Variants in BMP2K observed in about 807,000 individuals in gnomAD.
BMP2K encodes the protein BMP2 inducible kinase.
In BMP2K, 74 loss-of-function variants were observed where a neutral mutation model predicts 116.0. The observed-to-expected ratio is 0.64, with a 90% confidence interval of 0.53 to 0.77. The LOEUF (loss-of-function observed/expected upper bound fraction) is 0.77, where lower values mean the gene tolerates loss of function less well. BMP2K is among the 30% of genes least tolerant of loss of function. The pLI is 0.00. For missense variants in BMP2K, 1,365 were observed against 1,403.6 expected, an observed-to-expected ratio of 0.97 and a Z score of 0.44; for synonymous variants, 486 against 502.5, an observed-to-expected ratio of 0.97 and a Z score of 0.44.
chr4:78,823,552 ATATATAGT>A (rs998978755), intron 1 of BMP2K, among the ~76,000 whole-genome samples: 61 of 147,736 alleles, frequency 4.1e-4, no homozygotes, highest in African/African-American at 1.3e-3. Flanking sequence ...ATATATAGTT[ATATATAGT>A]TATATAGTTA....
At chr4:78,812,792 G>C (rs1208079686) in intron 1 of BMP2K, among the ~76,000 whole-genome samples, 1 of 152,168 alleles carries the variant, frequency 6.6e-6, no homozygotes, top group Non-Finnish European at 1.5e-5. Context: ...CAGCACTTTG[G>C]GAGGCCAAGG....
chr4:78,867,947 C>G (rs1294540599), intron 10 of BMP2K, among the ~76,000 whole-genome samples: 1 of 152,168 alleles, frequency 6.6e-6, no homozygotes, highest in African/African-American at 2.4e-5. Context: ...GTAATCCCAG[C>G]TACTTGGGAG....
At chr4:78,856,835 T>A (rs2110040406) in intron 7 of BMP2K, among the ~76,000 whole-genome samples, 1 of 152,304 alleles carries the variant, frequency 6.6e-6, no homozygotes, top group South Asian at 2.1e-4. Flanking sequence ...GACAGGTTAC[T>A]TACAAAATGT....
intron 1 of BMP2K, among the ~76,000 whole-genome samples, chr4:78,798,340 T>A (rs7662194): frequency 0.064 from 9,806 of 152,216 alleles, 437 homozygotes; most frequent in East Asian, 0.22. Context: ...ACCTGCTGGA[T>A]GCCTGTGAGA....
At chr4:78,837,180 T>C (rs1486936285) in intron 3 of BMP2K, among the ~76,000 whole-genome samples, 2 of 152,004 alleles carry the variant, frequency 1.3e-5, no homozygotes, top group East Asian at 1.9e-4. Flanking sequence ...TTATTTTTAA[T>C]TTCCAAGGAC....
chr4:78,883,255 C>T (rs1174258633), intron 14 of BMP2K, among the ~76,000 whole-genome samples: 1 of 151,986 alleles, frequency 6.6e-6, no homozygotes, highest in African/African-American at 2.4e-5. Context: ...TAATTAAAAA[C>T]ATTTTAGGGT....
intron 1 of BMP2K, among the ~76,000 whole-genome samples, chr4:78,792,181 A>G (rs988003926): frequency 6.6e-6 from 1 of 152,248 alleles, no homozygotes; most frequent in Non-Finnish European, 1.5e-5. Flanking sequence ...AACCTCTGTG[A>G]AGAAAATCAC....
At chr4:78,851,229 CA>C (rs1357744814) in intron 7 of BMP2K, among the ~76,000 whole-genome samples, 173 bp downstream of exon 7, 2 of 151,928 alleles carry the variant, frequency 1.3e-5, no homozygotes, top group Non-Finnish European at 2.9e-5. Flanking sequence ...AGAATGAAAG[CA>C]ACCTAATTAT....
At chr4:78,835,627 CAAAAA>C (rs561192085) in intron 3 of BMP2K, among the ~76,000 whole-genome samples, 4 of 69,510 alleles carry the variant, frequency 5.8e-5, no homozygotes, top group East Asian at 7.5e-4. Flanking sequence ...GACTCCGTGT[CAAAAA>C]AAAAAAAAAA....
rs755015481 is a variant in BMP2K at position 78,911,632 on chromosome 4, T to A, written c.3085T>A (p.Ser1029Thr). The part of the protein sequence containing the change: ...RRHKKVGRRD[S>T]QSSNEFLTIS... ...GCACAAAAAAGTGGGCCGCCGAGAC[T>A]CTCAAAGTAGCAATGAATTTTTAAC... The change falls in exon 16 of 16, where the codon TCT becomes ACT. Residue 1029 changes from serine to threonine, a missense_variant. Physicochemically the swap from Ser to Thr is moderately conservative, Grantham distance 58 (BLOSUM62 1). Coordinates refer to ENST00000502613, the MANE Select transcript of BMP2K (RefSeq NM_198892.2). 1.4e-5 allele frequency: 22 copies of A among 1,613,716 alleles called. No homozygotes were observed. The highest frequency in any genetic ancestry group is 1.7e-5 in the Non-Finnish European group (20 of 1,179,856).
chr4:78,795,642 G>A (rs1048794101), intron 1 of BMP2K, among the ~76,000 whole-genome samples: 4 of 152,016 alleles, frequency 2.6e-5, no homozygotes, highest in African/African-American at 4.8e-5. Context: ...CTACTCATCT[G>A]ACAAAGGGCT....
intron 7 of BMP2K, among the ~76,000 whole-genome samples, chr4:78,858,058 T>C (rs543453346): frequency 6.6e-6 from 1 of 152,114 alleles, no homozygotes; most frequent in South Asian, 2.1e-4. Flanking sequence ...TCAAGTTCTT[T>C]ATAGGACTAA....
chr4:78,860,080 G>A (rs2110044567), intron 8 of BMP2K: 1 of 512,504 alleles, frequency 2.0e-6, no homozygotes, highest in East Asian at 5.5e-5. Flanking sequence ...TGTTAACTGA[G>A]TAAGTTTGGG....
chr4:78,870,807 C>G lies in BMP2K; in HGVS notation c.1256C>G (p.Pro419Arg). 5 of 1,613,858 alleles carry G rather than the reference C, an allele frequency of 3.1e-6. No homozygotes were observed. Among genetic ancestry groups the G allele is most frequent in the Non-Finnish European group, 4.2e-6 (5 of 1,179,876 alleles). The change falls in exon 11 of 16, where the codon CCT (proline) becomes CGT (arginine). Residue 419 changes from proline to arginine, a missense_variant. Coordinates refer to ENST00000502613, the MANE Select transcript of BMP2K (RefSeq NM_198892.2). ...GGGGCACTAAGACCTGGAAATGGCCCTGAAATTTTATTGGGTCAGGGACCT... is the reference window on the plus strand; with the variant it reads ...GGGGCACTAAGACCTGGAAATGGCCGTGAAATTTTATTGGGTCAGGGACCT... ...PKGALRPGNG[P>R]EILLGQGPPQ...
rs78034751 is a variant in BMP2K, at chr4:78,912,238, A to T, written c.*205A>T. The T allele has an allele frequency of 7.5e-4, 386 of 517,842 alleles. 3 individuals carry two copies. In the East Asian group the frequency reaches 0.011, roughly 14 times the overall value. 32.1% of individuals were successfully genotyped at this position (517,842 alleles called of 1,614,324 possible). On this transcript the variant is annotated 3_prime_UTR_variant, in exon 16 of 16. Coordinates refer to ENST00000502613, the MANE Select transcript of BMP2K (RefSeq NM_198892.2). ...TTCCTCTTCAGGAGAAAAGGGAGCT[A>T]AATTGCAAGCTCTAACTAAGGGTTT...
chr4:78,777,681 G>A (rs994578010), intron 1 of BMP2K, among the ~76,000 whole-genome samples: 7 of 152,110 alleles, frequency 4.6e-5, no homozygotes, highest in African/African-American at 1.7e-4. Context: ...TAAGTTCTAT[G>A]GTTAAGATAA....
chr4:78,776,519 C>T lies in BMP2K; in HGVS notation c.-25C>T, dbSNP rs542863685. The T allele has an allele frequency of 1.8e-6, 2 of 1,134,952 alleles. No homozygotes were observed. The highest frequency in any genetic ancestry group is 2.2e-6 in the Non-Finnish European group (2 of 923,174). 70.3% of individuals were successfully genotyped at this position (1,134,952 alleles called of 1,614,324 possible). A position where few individuals can be genotyped will look rare whatever the true frequency, so the allele number is the denominator to read the frequency against. On this transcript the variant is annotated 5_prime_UTR_variant, in exon 1 of 16. Transcript: ENST00000502613. ...GGGACTTGCCCTTGCACGCTCCCTG[C>T]GCCCTCCAGCTCGCCGGCGGGACCA...
chr4:78,911,820 C>T lies in BMP2K; in HGVS notation c.3273C>T (p.Ile1091=). ...WHPPHQGLSD[I]RADHNTVLPG... ...CTCCACATCAGGGCCTGAGCGACAT[C>T]CGTGCTGATCACAATACTGTCCTGC... Residue 1091 remains isoleucine (I), a synonymous_variant, in exon 16 of 16, where the codon ATC becomes ATT. Transcript: ENST00000502613. The T allele has an allele frequency of 6.2e-7, 1 of 1,613,948 alleles. No individual in the cohort carries two copies. Among genetic ancestry groups the T allele is most frequent in the Non-Finnish European group, 8.5e-7 (1 of 1,179,876 alleles).
intron 2 of BMP2K, among the ~76,000 whole-genome samples, chr4:78,832,640 T>A (rs901594521): frequency 6.6e-6 from 1 of 152,124 alleles, no homozygotes; most frequent in African/African-American, 2.4e-5. Context: ...CTTGTACTTT[T>A]GTACAAGACT....
Sources: allele counts gnomAD v4.1 joint callset (sites outside exome capture counted in the v4.1 genomes callset), GRCh38; gene constraint gnomAD v4.1.1; transcripts MANE v1.5; gene names NCBI Gene and HGNC (gene_info 2026-07-23, HGNC 2026-07-21).